Variants in VPS9D1 observed in about 807,000 individuals in gnomAD.
VPS9D1 encodes VPS9 domain containing 1, also known as VPS9 domain-containing protein 1.
A neutral mutation model predicts 75.8 loss-of-function variants in VPS9D1; 78 were observed. That is an observed-to-expected ratio of 1.03 (90% CI 0.86 to 1.24). VPS9D1 has a LOEUF of 1.24. VPS9D1 is among the 50% of genes most tolerant of loss of function. VPS9D1 has a pLI of 0.00. For synonymous variants in VPS9D1, 481 were observed against 385.6 expected (o/e 1.25, Z -2.90); for missense variants, 1,057 against 847.7 (o/e 1.25, Z -3.07).
intron 1 of VPS9D1, 127 bp from the exon 2 acceptor site, chr16:89,719,229 G>T: frequency 1.1e-6 from 1 of 895,248 alleles, no homozygotes. Flanking sequence ...GATACACCCA[G>T]AGACATTGAG....
intron 1 of VPS9D1, chr16:89,719,337 G>A (rs747221899): frequency 1.3e-5 from 8 of 609,506 alleles, no homozygotes; most frequent in African/African-American, 1.1e-4. Flanking sequence ...GGACCTGAGA[G>A]AGAGAGAGAG....
Position 89,712,113 on chromosome 16 carries a change from C to G in VPS9D1, c.607-14G>C. 1.3e-6 allele frequency: 2 copies of G among 1,548,250 alleles called. No individual in the cohort carries two copies. Among genetic ancestry groups the G allele is most frequent in the Non-Finnish European group, 1.7e-6 (2 of 1,146,788 alleles). ...CTTTCTCTGGAGCTGGGTGCAGAGTCAAGGGGCCGAGCGTGGGATCTGAGC... is the reference window on the plus strand; with the variant it reads ...CTTTCTCTGGAGCTGGGTGCAGAGTGAAGGGGCCGAGCGTGGGATCTGAGC... On this transcript the variant is annotated splice_polypyrimidine_tract_variant and intron_variant, in intron 6 of 14. Transcript: ENST00000389386.
At chr16:89,712,772 A>C in intron 4 of VPS9D1, 56 bp from the exon 5 acceptor site, 1 of 1,415,222 alleles carries the variant, frequency 7.1e-7, no homozygotes, top group Non-Finnish European at 9.4e-7. Context: ...GTGTCTGGAC[A>C]CCAGAGGAGT....
chr16:89,720,626 G>C, intron 1 of VPS9D1, 137 bp downstream of exon 1: 1 of 1,226,032 alleles, frequency 8.2e-7, no homozygotes, highest in Non-Finnish European at 1.0e-6. Context: ...CCTCGCCCGG[G>C]AACCGCGGCC....
At chr16:89,719,258 A>T in intron 1 of VPS9D1, 156 bp from the exon 2 acceptor site, 1 of 738,156 alleles carries the variant, frequency 1.4e-6, no homozygotes, top group South Asian at 1.4e-5. Context: ...GGTTAGCTGC[A>T]GCCGGAACAC....
intron 11 of VPS9D1, 121 bp from the exon 12 acceptor site, chr16:89,709,556 C>G (rs1181609322): frequency 7.7e-7 from 1 of 1,301,906 alleles, no homozygotes; most frequent in Non-Finnish European, 1.0e-6. Flanking sequence ...CAAAAAGCCC[C>G]AGCGTTGCCA....
At position 89,707,978 on chromosome 16, in the gene VPS9D1, G is replaced by A. The variant is rs201887073; in HGVS notation, c.1803-24C>T. 1.4e-4 allele frequency: 222 copies of A among 1,606,064 alleles called. 1 individual carries two copies. The African/African-American group carries it at 2.3e-3, about 17-fold the overall frequency. The stretch of plus-strand genomic sequence containing the variant: ...ACCTGCATGGATGGCAGGGGCAGCC[G>A]GTGTCATCTGAACGAACAGAAGGAT... On this transcript the variant is annotated intron_variant, in intron 14 of 14. Transcript: ENST00000389386.
Position 89,719,077 on chromosome 16 carries a change from C to T in VPS9D1, c.125G>A (p.Ser42Asn), listed in dbSNP as rs771350269. 3.1e-6 allele frequency: 5 copies of T among 1,613,470 alleles called. No homozygotes were observed. In the African/African-American group the frequency reaches 4.0e-5, roughly 13 times the overall value. Residue 42 changes from serine (S) to asparagine (N), a missense_variant, in exon 2 of 15, where the codon AGC becomes AAC. Ser to Asn is a conservative substitution (Grantham distance 46, BLOSUM62 1). Transcript: ENST00000389386. ...PREAYTEYLRSIHYISQVLLE... is the reference protein window; with the variant it reads ...PREAYTEYLRNIHYISQVLLE... ...TAACACCTGGGAGATATAGTGGATG[C>T]TCCTCAGGTATTCCGTGTATGCCTC...
At chr16:89,709,651 G>T in intron 11 of VPS9D1, 126 bp downstream of exon 11, 2 of 1,493,066 alleles carry the variant, frequency 1.3e-6, no homozygotes, top group Non-Finnish European at 1.8e-6. Flanking sequence ...GCACAGGCTA[G>T]GGGGAGCAAA....
intron 4 of VPS9D1, among the ~76,000 whole-genome samples, chr16:89,714,638 G>C (rs2061019453): frequency 6.6e-6 from 1 of 152,218 alleles, no homozygotes; most frequent in African/African-American, 2.4e-5. Flanking sequence ...CTCCCACTTG[G>C]GAGTCACTGG....
chr16:89,711,713 G>A (rs1416840667), intron 8 of VPS9D1, 169 bp downstream of exon 8: 1 of 854,182 alleles, frequency 1.2e-6, no homozygotes, highest in Non-Finnish European at 1.8e-6. Flanking sequence ...GCCCCACGCA[G>A]CCCTGGCCCC....
chr16:89,711,013 G>A lies in VPS9D1; in HGVS notation c.834-3C>T, dbSNP rs531214701. On this transcript the variant is annotated splice_region_variant and splice_polypyrimidine_tract_variant and intron_variant, in intron 9 of 14. Coordinates refer to ENST00000389386, the MANE Select transcript of VPS9D1 (RefSeq NM_004913.3). ...GCGCGATCGGGTGGTCGGGGAGGCT[G>A]CGGGAGAAGAGGACGTGAGAACGCG... 397 of 1,437,706 alleles carry A rather than the reference G, an allele frequency of 2.8e-4. 4 individuals carry two copies. In the South Asian group the frequency reaches 5.5e-3, roughly 20 times the overall value. The allele number at this position is 1,437,706 out of a possible 1,614,324, so 89.1% of individuals were successfully genotyped here. A position where few individuals can be genotyped will look rare whatever the true frequency, so the allele number is the denominator to read the frequency against.
At chr16:89,717,243 C>T (rs963956736) in intron 2 of VPS9D1, 2 of 289,634 alleles carry the variant, frequency 6.9e-6, no homozygotes, top group Non-Finnish European at 1.3e-5. Context: ...CTGGTTTTGC[C>T]TCCTGAGTCT....
intron 2 of VPS9D1, chr16:89,717,531 C>G (rs2061103993): frequency 2.2e-6 from 1 of 456,096 alleles, no homozygotes; most frequent in Non-Finnish European, 4.4e-6. Flanking sequence ...GTGACTCGCC[C>G]CTGGACCCAC....
chr16:89,710,247 C>T (rs1302357814), intron 10 of VPS9D1, among the ~76,000 whole-genome samples: 1 of 152,194 alleles, frequency 6.6e-6, no homozygotes, highest in Non-Finnish European at 1.5e-5. Flanking sequence ...GTGGGCAGCA[C>T]AGTGAGAATG....
intron 1 of VPS9D1, chr16:89,720,380 T>TC (rs1436589728): frequency 1.1e-5 from 11 of 989,782 alleles, no homozygotes; most frequent in Non-Finnish European, 1.3e-5. Context: ...CTGCATGCCG[T>TC]CCCCTGTGGC....
At position 89,708,419 on chromosome 16, in the gene VPS9D1, G is replaced by T; in HGVS notation, c.1802+8C>A. On this transcript the variant is annotated splice_region_variant and intron_variant, in intron 14 of 14. Coordinates refer to ENST00000389386, the MANE Select transcript of VPS9D1 (RefSeq NM_004913.3). The stretch of plus-strand genomic sequence containing the variant: ...CAGAGACCCCCACCCTGACCCGCCA[G>T]GGTCTACCCCTCGTGGATGAACTCC... 6.2e-7 allele frequency: 1 copy of T among 1,609,228 alleles called. No individual in the cohort carries two copies. The highest frequency in any genetic ancestry group is 2.2e-5 in the East Asian group (1 of 44,740).
chr16:89,714,590 G>A (rs1443713113), intron 4 of VPS9D1, among the ~76,000 whole-genome samples: 1 of 152,210 alleles, frequency 6.6e-6, no homozygotes, highest in African/African-American at 2.4e-5. Flanking sequence ...GCCAGGCCCC[G>A]CCAGAGCAGG....
At chr16:89,717,216 A>G (rs1032358134) in intron 2 of VPS9D1, 2 of 193,252 alleles carry the variant, frequency 1.0e-5, no homozygotes, top group African/African-American at 3.5e-5. Flanking sequence ...CCACCCACGC[A>G]TTTCTAATCA....
Sources: allele counts gnomAD v4.1 joint callset (sites outside exome capture counted in the v4.1 genomes callset), GRCh38; gene constraint gnomAD v4.1.1; transcripts MANE v1.5; gene names NCBI Gene and HGNC (gene_info 2026-07-23, HGNC 2026-07-21).